The following DLC1 variants were observed in gnomAD, a reference collection of about 807,000 sequenced individuals.
DLC1 encodes the protein rho GTPase-activating protein 7.
A neutral mutation model predicts 140.3 loss-of-function variants in DLC1; 54 were observed. That is an observed-to-expected ratio of 0.38 (90% CI 0.31 to 0.48). DLC1 has a LOEUF of 0.48. DLC1 is among the 20% of genes least tolerant of loss of function. DLC1 has a pLI of 0.96. For missense variants in DLC1, 2,536 were observed against 1,907.0 expected (o/e 1.33, Z -6.14); for synonymous variants, 986 against 728.1 (o/e 1.35, Z -5.70).
intron 5 of DLC1, among the ~76,000 whole-genome samples, chr8:13,292,329 A>G (rs1831788028): frequency 6.6e-6 from 1 of 152,130 alleles, no homozygotes; most frequent in Admixed American, 6.5e-5. Context: ...ATTGTCATGG[A>G]CCATCTGGGA....
rs1554528967 is a variant in DLC1 at position 13,482,422 on chromosome 8, A to ATAGT, written c.1023+16623_1023+16626dup. ...TCATTTACATATTAAAAAGATAAAA[A>ATAGT]TAGTTGATGAATAGAGCAATGCTGT... On this transcript the variant is annotated intron_variant, in intron 2 of 17. Coordinates refer to ENST00000276297, the MANE Select transcript of DLC1 (RefSeq NM_182643.3). 3.1e-3 allele frequency among the ~76,000 whole-genome samples: 464 copies of ATAGT among 151,762 alleles called. 1 individual carries two copies. Among genetic ancestry groups the ATAGT allele is most frequent in the African/African-American group, 0.011 (458 of 41,344 alleles).
At chr8:13,536,898 T>C (rs375528459) in intron 1 of DLC1, among the ~76,000 whole-genome samples, 1 of 152,204 alleles carries the variant, frequency 6.6e-6, no homozygotes, top group Non-Finnish European at 1.5e-5. Context: ...CAGTAATCTG[T>C]TCCAAAATTA....
At position 13,222,326 on chromosome 8, in the gene DLC1, A is replaced by G. The variant is rs1031912252; in HGVS notation, c.1348+82943T>C. 3.3e-5 allele frequency among the ~76,000 whole-genome samples: 5 copies of G among 152,162 alleles called. No individual in the cohort carries two copies. The East Asian group carries it at 5.8e-4, about 18-fold the overall frequency. On this transcript the variant is annotated intron_variant, in intron 5 of 17. Transcript: ENST00000276297. ...AATGAAGCCTGTAACAGTGCTGTCAATAGATTATTCTGTATTGGATTTTGA... is the reference window on the plus strand; with the variant it reads ...AATGAAGCCTGTAACAGTGCTGTCAGTAGATTATTCTGTATTGGATTTTGA...
At chr8:13,143,280 G>A (rs113955903) in intron 5 of DLC1, among the ~76,000 whole-genome samples, 20 of 152,252 alleles carry the variant, frequency 1.3e-4, no homozygotes, top group African/African-American at 4.6e-4. Context: ...GATACTGACC[G>A]CTGTTGTGCT....
chr8:13,378,385 A>T (rs1326741738), intron 4 of DLC1, among the ~76,000 whole-genome samples: 2 of 151,878 alleles, frequency 1.3e-5, no homozygotes, highest in Non-Finnish European at 2.9e-5. Context: ...ATTCAAATAT[A>T]GTGTTTGAAA....
intron 5 of DLC1, among the ~76,000 whole-genome samples, chr8:13,178,989 T>C (rs532061911): frequency 7.2e-5 from 11 of 152,194 alleles, no homozygotes; most frequent in Non-Finnish European, 4.4e-5. Context: ...CATTTCAGCA[T>C]TATCTATAAT....
chr8:13,401,796 T>G (rs1473378961), intron 2 of DLC1, among the ~76,000 whole-genome samples, 177 bp from the exon 3 acceptor site: 1 of 152,198 alleles, frequency 6.6e-6, no homozygotes, highest in Non-Finnish European at 1.5e-5. Flanking sequence ...ACTGACCTAG[T>G]GCCAAGAAAG....
In DLC1 at chr8:13,506,581, G is replaced by GTGTGTATATATATA. The variant is rs1246764417; in HGVS notation, c.-125-6386_-125-6385insTATATATATACACA. ...CACACACACACATGTGTGTGTGTGT[G>GTGTGTATATATATA]TATATATATATATATATATATATAT... On this transcript the variant is annotated intron_variant, in intron 1 of 17. Coordinates refer to ENST00000276297, the MANE Select transcript of DLC1 (RefSeq NM_182643.3). Among the ~76,000 whole-genome samples, 39 of 131,132 alleles carry GTGTGTATATATATA rather than the reference G, an allele frequency of 3.0e-4. No homozygotes were observed. The South Asian group carries it at 6.6e-3, about 22-fold the overall frequency. 86.0% of individuals were successfully genotyped at this position (131,132 alleles called of 152,430 possible). A position where few individuals can be genotyped will look rare whatever the true frequency, so the allele number is the denominator to read the frequency against.
chr8:13,214,668 C>T (rs3739300), intron 5 of DLC1: 424,552 of 779,844 alleles, frequency 0.54, 119,566 homozygotes, highest in East Asian at 0.85. Flanking sequence ...AAAGCCTCTT[C>T]TGGGGAAAGG....
intron 4 of DLC1, among the ~76,000 whole-genome samples, chr8:13,374,819 A>G (rs977268494): frequency 1.2e-4 from 18 of 152,140 alleles, no homozygotes; most frequent in Non-Finnish European, 1.5e-5. Flanking sequence ...GATTCTTCCT[A>G]TCCATGAGCA....
chr8:13,357,934 A>C (rs41360644), intron 4 of DLC1, among the ~76,000 whole-genome samples: 1 of 152,092 alleles, frequency 6.6e-6, no homozygotes, highest in African/African-American at 2.4e-5. Flanking sequence ...CCTATGGTAC[A>C]GATTTTCAAA....
chr8:13,573,614 G>A (rs1042545538), intron 1 of DLC1, among the ~76,000 whole-genome samples: 2 of 152,142 alleles, frequency 1.3e-5, no homozygotes, highest in African/African-American at 4.8e-5. Context: ...TTCATGTTGG[G>A]AAAGTTCTCT....
intron 2 of DLC1, among the ~76,000 whole-genome samples, chr8:13,408,987 T>C (rs1051964847): frequency 1.3e-5 from 2 of 152,144 alleles, no homozygotes; most frequent in African/African-American, 4.8e-5. Flanking sequence ...TAAACATGTA[T>C]TCCTTTTTCA....
In DLC1 at chr8:13,567,120, A is replaced by G. The variant is rs533439710; in HGVS notation, c.-126+37417T>C. ...CCAGCTCATTCAGCTCCTCTGGAGG[A>G]CGGCAGTCCTCGCCCCTGACCTCTG... On this transcript the variant is annotated intron_variant, in intron 1 of 1. Transcript: ENST00000631382. 1.8e-5 allele frequency: 28 copies of G among 1,551,746 alleles called. No homozygotes were observed. In the African/African-American group the frequency reaches 3.6e-4, roughly 20 times the overall value.
rs1491066402 is a variant in DLC1 at position 13,185,294 on chromosome 8, T to TTG, written c.1349-69639_1349-69638dup. Among the ~76,000 whole-genome samples the TTG allele has an allele frequency of 3.4e-5, 5 of 145,178 alleles. No individual in the cohort carries two copies. In the Admixed American group the frequency reaches 3.6e-4, roughly 11 times the overall value. Reference sequence around the variant, plus strand: ...TCTGTGTCTTTTCTGTTTTTTTTGTTTGTTTGTTTGTTTGTTTGTTTGTTT... The same window carrying TTG: ...TCTGTGTCTTTTCTGTTTTTTTTGTTTGTGTTTGTTTGTTTGTTTGTTTGTTT... On this transcript the variant is annotated intron_variant, in intron 5 of 17. Coordinates refer to ENST00000276297, the MANE Select transcript of DLC1 (RefSeq NM_182643.3).
intron 5 of DLC1, among the ~76,000 whole-genome samples, chr8:13,243,517 T>C (rs1293246732): frequency 6.6e-6 from 1 of 152,102 alleles, no homozygotes; most frequent in Non-Finnish European, 1.5e-5. Flanking sequence ...TGAGAAAAAT[T>C]AGAGACCTAG....
intron 1 of DLC1, among the ~76,000 whole-genome samples, chr8:13,538,368 T>TA (rs72199875): frequency 0.013 from 1,893 of 143,722 alleles, 12 homozygotes; most frequent in African/African-American, 0.02. Flanking sequence ...GCACTGAGTA[T>TA]AAAAAAAAAA....
intron 2 of DLC1, among the ~76,000 whole-genome samples, chr8:13,451,136 A>G (rs1336157260): frequency 6.6e-6 from 1 of 151,688 alleles, no homozygotes; most frequent in East Asian, 1.9e-4. Context: ...AGTAAGAGTA[A>G]ATATGTTTGA....
At chr8:13,475,425 T>C (rs1464833260) in intron 2 of DLC1, among the ~76,000 whole-genome samples, 1 of 152,244 alleles carries the variant, frequency 6.6e-6, no homozygotes, top group East Asian at 1.9e-4. Flanking sequence ...ATTGGGTTTC[T>C]GGCTAAGCAC....
Sources: gnomAD v4.1 joint callset for allele counts (sites outside exome capture counted in the v4.1 genomes callset) on GRCh38, gnomAD v4.1.1 for gene constraint, MANE v1.5 for transcripts, NCBI Gene and HGNC (gene_info 2026-07-23, HGNC 2026-07-21) for gene names.